Variants in GUCY1A1 observed in about 807,000 individuals in gnomAD.
The protein encoded by GUCY1A1 is guanylate cyclase 1 soluble subunit alpha 1.
In GUCY1A1, 48 loss-of-function variants were observed where a neutral mutation model predicts 64.5. The ratio of observed to expected loss-of-function variants is 0.74; its 90% CI spans 0.59 to 0.95. The LOEUF (loss-of-function observed/expected upper bound fraction) is 0.95. Among genes scored for constraint, GUCY1A1 ranks in the 40% least tolerant of loss-of-function variants. The probability of loss-of-function intolerance (pLI) is 0.00; values close to 1 mark genes in which losing one functional copy is unlikely to be tolerated. For synonymous variants in GUCY1A1, 308 were observed against 303.4 expected (o/e 1.02, Z -0.16); for missense variants, 804 against 825.3 (o/e 0.97, Z 0.32).
intron 2 of GUCY1A1, among the ~76,000 whole-genome samples, chr4:155,691,644 C>T (rs529477046): frequency 6.6e-6 from 1 of 152,254 alleles, no homozygotes; most frequent in Non-Finnish European, 1.5e-5. Flanking sequence ...TCTTAAAAAG[C>T]TCATATCTTT....
intron 4 of GUCY1A1, among the ~76,000 whole-genome samples, chr4:155,706,930 C>A (rs1317952405): frequency 6.6e-6 from 1 of 152,124 alleles, no homozygotes; most frequent in Non-Finnish European, 1.5e-5. Context: ...AAAAAGCATG[C>A]TATTACAGTC....
In GUCY1A1 at chr4:155,734,319, G is replaced by A. The variant is rs1388673058; in HGVS notation, c.*4088G>A. 1 of 151,910 alleles carries A rather than the reference G, an allele frequency of 6.6e-6. No individual in the cohort carries two copies. Among genetic ancestry groups the A allele is most frequent in the African/African-American group, 2.4e-5 (1 of 41,410 alleles). The allele number at this position is 151,910 out of a possible 1,614,324, so 9.4% of individuals were successfully genotyped here. A position where few individuals can be genotyped will look rare whatever the true frequency, so the allele number is the denominator to read the frequency against. ...CCAGTGAAGTCTAGTGCTGTATAAT[G>A]CTTTAAATCCACAATCAAGCCCTTG... On this transcript the variant is annotated 3_prime_UTR_variant, in exon 10 of 10. Transcript: ENST00000506455.
intron 2 of GUCY1A1, among the ~76,000 whole-genome samples, chr4:155,687,998 C>A (rs1460442127): frequency 6.6e-6 from 1 of 151,744 alleles, no homozygotes; most frequent in Non-Finnish European, 1.5e-5. Context: ...CCGAAGTGGG[C>A]GGATCATGAG....
At chr4:155,712,172 C>A (rs141981730) in intron 6 of GUCY1A1, among the ~76,000 whole-genome samples, 5,982 of 152,184 alleles carry the variant, frequency 0.039, 160 homozygotes, top group Middle Eastern at 0.078. Context: ...GCTCTGTCGC[C>A]CAGGCTGGAG....
intron 2 of GUCY1A1, among the ~76,000 whole-genome samples, chr4:155,679,738 A>T (rs1735456397): frequency 2.6e-5 from 4 of 152,316 alleles, no homozygotes; most frequent in Admixed American, 1.3e-4. Flanking sequence ...GTCCATTAAG[A>T]TTTAATTTTT....
intron 4 of GUCY1A1, among the ~76,000 whole-genome samples, chr4:155,706,186 A>G (rs921373527): frequency 6.6e-6 from 1 of 152,238 alleles, no homozygotes; most frequent in African/African-American, 2.4e-5. Context: ...GTCCCTAAAT[A>G]TAAAAAAAAG....
rs567204109 is a variant in GUCY1A1, at chr4:155,726,631, T to G, written c.1872-3399T>G. Among the ~76,000 whole-genome samples the G allele has an allele frequency of 3.8e-4, 58 of 152,074 alleles. No individual in the cohort carries two copies. The South Asian group carries it at 0.011, about 30-fold the overall frequency. On this transcript the variant is annotated intron_variant, in intron 9 of 9. Coordinates refer to ENST00000506455, the MANE Select transcript of GUCY1A1 (RefSeq NM_001130682.3). Reference sequence around the variant, plus strand: ...AAATTTAGGACACAGAATACATACCTATACCAAAAAAAAACCTGTATCTTC... The same window carrying G: ...AAATTTAGGACACAGAATACATACCGATACCAAAAAAAAACCTGTATCTTC...
At chr4:155,701,303 C>A (rs540274544) in intron 3 of GUCY1A1, among the ~76,000 whole-genome samples, 17 of 152,134 alleles carry the variant, frequency 1.1e-4, no homozygotes, top group African/African-American at 3.9e-4. Flanking sequence ...GGACTTTATT[C>A]CTTTTTTTCT....
At chr4:155,676,957 G>A (rs1369313976) in intron 2 of GUCY1A1, among the ~76,000 whole-genome samples, 1 of 151,518 alleles carries the variant, frequency 6.6e-6, no homozygotes, top group Non-Finnish European at 1.5e-5. Context: ...GGCACATGCA[G>A]ATTCTTCATG....
At chr4:155,671,110 T>A (rs1195109156) in intron 2 of GUCY1A1, among the ~76,000 whole-genome samples, 1 of 152,170 alleles carries the variant, frequency 6.6e-6, no homozygotes, top group Non-Finnish European at 1.5e-5. Context: ...CTTAACATTG[T>A]TGTCATTGTT....
intron 4 of GUCY1A1, among the ~76,000 whole-genome samples, chr4:155,705,091 C>T (rs1018581822): frequency 1.3e-5 from 2 of 152,106 alleles, no homozygotes. Context: ...GGGGTTTCAC[C>T]GTGTTGCTCA....
At chr4:155,722,249 T>A (rs549556673) in intron 9 of GUCY1A1, 57 bp downstream of exon 9, 87 of 1,566,410 alleles carry the variant, frequency 5.6e-5, no homozygotes, top group Non-Finnish European at 7.3e-5. Flanking sequence ...ACAATTGCCA[T>A]TTGCCCCACT....
chr4:155,705,158 T>C (rs1731572618), intron 4 of GUCY1A1, among the ~76,000 whole-genome samples: 1 of 152,258 alleles, frequency 6.6e-6, no homozygotes, highest in Non-Finnish European at 1.5e-5. Context: ...CCAAAACTGC[T>C]AGGATTACAG....
chr4:155,710,154 C>G (rs929555265), intron 5 of GUCY1A1, among the ~76,000 whole-genome samples: 11 of 152,144 alleles, frequency 7.2e-5, no homozygotes, highest in African/African-American at 2.7e-4. Context: ...GCTGGAAACC[C>G]TCATAGAGGA....
At chr4:155,719,594 T>G (rs565989869) in intron 8 of GUCY1A1, among the ~76,000 whole-genome samples, 17 of 152,316 alleles carry the variant, frequency 1.1e-4, no homozygotes, top group African/African-American at 3.8e-4. Context: ...TTTTTATTTT[T>G]CAAACTCTAT....
intron 3 of GUCY1A1, among the ~76,000 whole-genome samples, chr4:155,698,028 T>G (rs1730635246): frequency 6.6e-6 from 1 of 152,194 alleles, no homozygotes; most frequent in African/African-American, 2.4e-5. Context: ...AACCCTCTAC[T>G]GTGTGCAAAG....
chr4:155,727,258 AT>A (rs1326898991), intron 9 of GUCY1A1, among the ~76,000 whole-genome samples: 3 of 151,902 alleles, frequency 2.0e-5, no homozygotes, highest in Non-Finnish European at 4.4e-5. Flanking sequence ...GTTTTTCTAA[AT>A]GGTTTTTCTT....
At chr4:155,723,542 T>C (rs1290736582) in intron 9 of GUCY1A1, among the ~76,000 whole-genome samples, 3 of 152,154 alleles carry the variant, frequency 2.0e-5, no homozygotes, top group Admixed American at 1.3e-4. Context: ...TTCAGATCTA[T>C]ACAGTAGCTA....
At position 155,696,732 on chromosome 4, in the gene GUCY1A1, G is replaced by A. The variant is rs557490451; in HGVS notation, c.-112-24G>A. ...CGTGCATAAAGTCACTCCTCTTTCT[G>A]TTCTGACTTTTTGCTGTCCATAGAC... On this transcript the variant is annotated intron_variant, in intron 2 of 9. Transcript: ENST00000506455. 28 of 710,144 alleles carry A rather than the reference G, an allele frequency of 3.9e-5. No homozygotes were observed. The East Asian group carries it at 6.4e-4, about 16-fold the overall frequency. 44.0% of individuals were successfully genotyped at this position (710,144 alleles called of 1,614,324 possible). A position where few individuals can be genotyped will look rare whatever the true frequency, so the allele number is the denominator to read the frequency against.
Sources: gnomAD v4.1 joint callset for allele counts (sites outside exome capture counted in the v4.1 genomes callset) on GRCh38, gnomAD v4.1.1 for gene constraint, MANE v1.5 for transcripts, NCBI Gene and HGNC (gene_info 2026-07-23, HGNC 2026-07-21) for gene names.